NSUN6: variants seen among roughly 807,000 people sequenced by gnomAD.
NSUN6 encodes tRNA (cytosine(72)-C(5))-methyltransferase NSUN6.
NSUN6 carries 64 observed loss-of-function variants against 58.0 expected under a neutral mutation model. The observed-to-expected ratio is 1.10, with a 90% CI of 0.90 to 1.36. The LOEUF (loss-of-function observed/expected upper bound fraction) is 1.36, where lower values mean the gene tolerates loss of function less well. Among genes scored for constraint, NSUN6 ranks in the 40% most tolerant of loss-of-function variants. NSUN6 has a pLI of 0.00. For synonymous variants in NSUN6, 231 were observed against 193.9 expected (o/e 1.19, Z -1.59); for missense variants, 701 against 550.1 (o/e 1.27, Z -2.74).
chr10:18,613,220 C>G (rs1026101764), intron 5 of NSUN6, among the ~76,000 whole-genome samples: 1 of 152,130 alleles, frequency 6.6e-6, no homozygotes, highest in Non-Finnish European at 1.5e-5. Flanking sequence ...CCTCAGCATC[C>G]TGAGTAGCTG....
Position 18,586,058 on chromosome 10 carries a change from T to G in NSUN6, c.813A>C (p.Lys271Asn), listed in dbSNP as rs1330620195. ...EVIALDKIFNKVEKIKQNALL... is the reference protein window; with the variant it reads ...EVIALDKIFNNVEKIKQNALL... ...AGGCATTCTGTTTGATTTTTTCTAC[T>G]TTGTTGAAGATTTTATCCAGTGCTA... Residue 271 changes from lysine to asparagine, a missense_variant, in exon 8 of 11, where the codon AAA becomes AAC. Coordinates refer to ENST00000377304, the MANE Select transcript of NSUN6 (RefSeq NM_182543.5). 1 of 1,609,184 alleles carries G rather than the reference T, an allele frequency of 6.2e-7. No homozygotes were observed.
At chr10:18,620,873 A>T (rs921845340) in intron 3 of NSUN6, among the ~76,000 whole-genome samples, 1 of 152,186 alleles carries the variant, frequency 6.6e-6, no homozygotes, top group Non-Finnish European at 1.5e-5. Flanking sequence ...ATTCAAAAAC[A>T]TGTTTTGTGG....
intron 7 of NSUN6, among the ~76,000 whole-genome samples, chr10:18,587,233 G>C (rs1197933243): frequency 6.6e-6 from 1 of 152,164 alleles, no homozygotes; most frequent in East Asian, 1.9e-4. Context: ...AACAACATGA[G>C]CTAATGCTAT....
chr10:18,659,207 C>T (rs2059811665), upstream of NSUN6: 1 of 172,154 alleles, frequency 5.8e-6, no homozygotes, highest in South Asian at 1.6e-4. Context: ...AATTCCCAGC[C>T]GCTGGCCGTT....
intron 8 of NSUN6, among the ~76,000 whole-genome samples, chr10:18,570,720 A>T (rs1424045507): frequency 1.4e-5 from 2 of 141,370 alleles, no homozygotes; most frequent in African/African-American, 5.4e-5. Context: ...ATTCCATTCC[A>T]TTCTCCACTC....
Position 18,593,171 on chromosome 10 carries a change from A to G in NSUN6, c.777+3037T>C, listed in dbSNP as rs182203275. ...CCACAATGAGATACCATCTCACGCC[A>G]GTTTGAATGGCGATTAAAAAGTCAG... is the stretch of plus-strand genomic sequence containing the variant. On this transcript the variant is annotated intron_variant, in intron 7 of 10. Coordinates refer to ENST00000377304, the MANE Select transcript of NSUN6 (RefSeq NM_182543.5). Among the ~76,000 whole-genome samples, 435 of 152,338 alleles carry G rather than the reference A, an allele frequency of 2.9e-3. 6 individuals carry two copies. In the Middle Eastern group the frequency reaches 0.088, roughly 31 times the overall value.
intron 4 of NSUN6, 103 bp from the exon 5 acceptor site, chr10:18,614,716 G>T: frequency 4.4e-6 from 2 of 454,886 alleles, no homozygotes; most frequent in Admixed American, 4.3e-5. Flanking sequence ...ATCAATAGTG[G>T]GCATGAAGCA....
chr10:18,564,510 A>C (rs370232838), intron 8 of NSUN6, among the ~76,000 whole-genome samples: 1 of 143,236 alleles, frequency 7.0e-6, no homozygotes, highest in Non-Finnish European at 1.5e-5. Flanking sequence ...CTTTCATTCC[A>C]TTCTCCACTC....
chr10:18,550,971 C>T (rs2054562588), intron 9 of NSUN6, among the ~76,000 whole-genome samples: 1 of 152,078 alleles, frequency 6.6e-6, no homozygotes, highest in East Asian at 1.9e-4. Flanking sequence ...GGTGATCAGC[C>T]CGCCTCAGCC....
chr10:18,651,521 C>T lies in NSUN6; in HGVS notation c.-318G>A, dbSNP rs1477338099. 9.7e-7 allele frequency: 1 copy of T among 1,028,398 alleles called. No homozygotes were observed. Among genetic ancestry groups the T allele is most frequent in the Non-Finnish European group, 1.2e-6 (1 of 858,548 alleles). 63.7% of individuals were successfully genotyped at this position (1,028,398 alleles called of 1,614,324 possible). On this transcript the variant is annotated 5_prime_UTR_variant, in exon 1 of 11. Coordinates refer to ENST00000377304, the MANE Select transcript of NSUN6 (RefSeq NM_182543.5). ...GAAAAAAATGCTTAGTAACTGAATCCGTGGTGAAACGGACGCAGATCAGTA... is the reference window on the plus strand; with the variant it reads ...GAAAAAAATGCTTAGTAACTGAATCTGTGGTGAAACGGACGCAGATCAGTA...
At chr10:18,568,807 C>T (rs2056154001) in intron 8 of NSUN6, among the ~76,000 whole-genome samples, 1 of 151,208 alleles carries the variant, frequency 6.6e-6, no homozygotes, top group Non-Finnish European at 1.5e-5. Context: ...ATTCCACATT[C>T]CATTCCGTTC....
At chr10:18,584,789 A>C (rs915221334) in intron 8 of NSUN6, among the ~76,000 whole-genome samples, 1 of 152,110 alleles carries the variant, frequency 6.6e-6, no homozygotes, top group Non-Finnish European at 1.5e-5. Flanking sequence ...AGCAAGAGAA[A>C]AACAACTTGC....
intron 3 of NSUN6, among the ~76,000 whole-genome samples, chr10:18,637,517 A>C (rs143360184): frequency 5.9e-5 from 9 of 152,362 alleles, no homozygotes; most frequent in African/African-American, 2.2e-4. Flanking sequence ...GAAAGCATCA[A>C]AATCTCTCAT....
At chr10:18,557,442 AAATGGAATGGAG>A (rs1054467875) in intron 8 of NSUN6, among the ~76,000 whole-genome samples, 3 of 138,100 alleles carry the variant, frequency 2.2e-5, no homozygotes, top group African/African-American at 8.1e-5. Context: ...GAATGGAATG[AAATGGAATGGAG>A]AATGGAATGG....
chr10:18,567,586 A>G (rs1358641946), intron 8 of NSUN6, among the ~76,000 whole-genome samples: 1 of 143,210 alleles, frequency 7.0e-6, no homozygotes, highest in Non-Finnish European at 1.5e-5. Flanking sequence ...CATTCTCCAT[A>G]GCATTCCATT....
At chr10:18,635,610 G>C (rs923889140) in intron 3 of NSUN6, among the ~76,000 whole-genome samples, 1 of 152,124 alleles carries the variant, frequency 6.6e-6, no homozygotes, top group Non-Finnish European at 1.5e-5. Flanking sequence ...GCCAAGGTGG[G>C]TGGATCACCT....
intron 5 of NSUN6, among the ~76,000 whole-genome samples, chr10:18,612,150 C>T (rs116029072): frequency 1.6e-3 from 250 of 152,178 alleles, no homozygotes; most frequent in African/African-American, 5.7e-3. Flanking sequence ...CTGGGTGTGG[C>T]GTCTCATCCC....
Position 18,548,169 on chromosome 10 carries a change from A to C in NSUN6, c.1140T>G (p.Asn380Lys), listed in dbSNP as rs1337365322. 1.2e-6 allele frequency: 2 copies of C among 1,613,698 alleles called. No homozygotes were observed. The highest frequency in any genetic ancestry group is 2.7e-5 in the African/African-American group (2 of 74,904). The change falls in exon 10 of 11, where the codon AAT becomes AAG. Residue 380 changes from asparagine (N) to lysine (K), a missense_variant. Asn to Lys is a moderately conservative substitution (Grantham distance 94). Transcript: ENST00000377304. ...YSTCTITLAE[N>K]EEQVAWALTK... is the part of the protein sequence containing the mutation. The stretch of plus-strand genomic sequence containing the variant: ...TCAGGGCCCAGGCAACCTGTTCTTC[A>C]TTTTCGGCCAGTGTTATAGTGCACG...
At chr10:18,579,561 G>C (rs1281213849) in intron 8 of NSUN6, among the ~76,000 whole-genome samples, 1 of 152,160 alleles carries the variant, frequency 6.6e-6, no homozygotes, top group African/African-American at 2.4e-5. Flanking sequence ...AATTTAGATA[G>C]TTTATTTTAC....
Sources: allele counts gnomAD v4.1 joint callset (sites outside exome capture counted in the v4.1 genomes callset), GRCh38; gene constraint gnomAD v4.1.1; transcripts MANE v1.5; gene names NCBI Gene and HGNC (gene_info 2026-07-23, HGNC 2026-07-21).